The following TDRD7 variants were observed in gnomAD, a reference collection of about 807,000 sequenced individuals.
The protein encoded by TDRD7 is tudor domain-containing protein 7.
A neutral mutation model predicts 109.8 loss-of-function variants in TDRD7; 47 were observed. The observed-to-expected ratio is 0.43, with a 90% CI of 0.34 to 0.55. TDRD7 has a LOEUF of 0.55. TDRD7 is among the 20% of genes least tolerant of loss of function. The pLI, the probability that TDRD7 is intolerant of heterozygous loss-of-function variation, is 0.03. For synonymous variants in TDRD7, 424 were observed against 457.3 expected, an observed-to-expected ratio of 0.93 and a Z score of 0.93; for missense variants, 1,164 against 1,319.2, an observed-to-expected ratio of 0.88 and a Z score of 1.82.
Position 97,482,900 on chromosome 9 carries a change from C to A in TDRD7, c.2464C>A (p.Pro822Thr), listed in dbSNP as rs145839305. 173 of 1,613,970 alleles carry A rather than the reference C, an allele frequency of 1.1e-4. No individual in the cohort carries two copies. The highest frequency in any genetic ancestry group is 1.4e-4 in the Non-Finnish European group (164 of 1,180,010). The change falls in exon 15 of 17, where the codon CCT becomes ACT. Residue 822 changes from proline (P) to threonine (T), a missense_variant. Pro to Thr is a conservative substitution (Grantham distance 38, BLOSUM62 -1). This residue lies in a region of TDRD7 where 233 missense variants were observed against 218.0 expected (regional missense o/e 1.07). Coordinates refer to ENST00000355295, the MANE Select transcript of TDRD7 (RefSeq NM_014290.3). ...GATCGCACATGTTTATTTATTTACC[C>A]CTAAGAACTTCCCTGACCCTCATCG... ...RGIAHVYLFT[P>T]KNFPDPHRSI... is the part of the protein sequence containing the mutation.
At chr9:97,493,426 T>C (rs879521617) in intron 16 of TDRD7, among the ~76,000 whole-genome samples, 49 of 149,980 alleles carry the variant, frequency 3.3e-4, no homozygotes, top group Admixed American at 3.2e-3. Flanking sequence ...GGGGAGAGAG[T>C]GTACAAATAG....
chr9:97,477,982 G>GGC, intron 12 of TDRD7, among the ~76,000 whole-genome samples: 1 of 152,202 alleles, frequency 6.6e-6, no homozygotes. Flanking sequence ...TAGTAGGCTG[G>GGC]GCGCGGTGGC....
At chr9:97,449,966 A>G (rs1215314329) in intron 6 of TDRD7, among the ~76,000 whole-genome samples, 1 of 152,204 alleles carries the variant, frequency 6.6e-6, no homozygotes, top group Non-Finnish European at 1.5e-5. Context: ...ACAGAAATCC[A>G]GAGGGGTGTG....
chr9:97,423,650 A>AAG (rs1827934863), intron 1 of TDRD7, among the ~76,000 whole-genome samples: 1 of 152,166 alleles, frequency 6.6e-6, no homozygotes, highest in Admixed American at 6.5e-5. Context: ...TAACAGAAAC[A>AAG]TAATGCTATA....
chr9:97,448,862 A>G (rs1407756348), intron 6 of TDRD7, among the ~76,000 whole-genome samples: 1 of 152,232 alleles, frequency 6.6e-6, no homozygotes, highest in Non-Finnish European at 1.5e-5. Context: ...TTAACTGGAC[A>G]ATACCAATTC....
intron 6 of TDRD7, among the ~76,000 whole-genome samples, chr9:97,442,592 A>G (rs1267917858): frequency 6.6e-6 from 1 of 152,212 alleles, no homozygotes; most frequent in East Asian, 1.9e-4. Context: ...CTTACATAAG[A>G]TATATTTAAA....
rs189677736 is a variant in TDRD7, at chr9:97,457,195, A to C, written c.856-2983A>C. ...AGTGTTGGTGAGGCTGTGGATAAAT[A>C]GGAACACTTTTACACTGTTGGTGGG... On this transcript the variant is annotated intron_variant, in intron 6 of 16. Coordinates refer to ENST00000355295, the MANE Select transcript of TDRD7 (RefSeq NM_014290.3). Among the ~76,000 whole-genome samples, 541 of 152,296 alleles carry C rather than the reference A, an allele frequency of 3.6e-3. 2 individuals are homozygous for C. Among genetic ancestry groups the C allele is most frequent in the Non-Finnish European group, 4.0e-3 (273 of 68,014 alleles).
chr9:97,435,234 G>T (rs966438518), intron 4 of TDRD7, among the ~76,000 whole-genome samples: 2 of 107,588 alleles, frequency 1.9e-5, no homozygotes, highest in African/African-American at 7.8e-5. Context: ...TACTATGCAA[G>T]ATTTTACTAT....
chr9:97,460,343 T>G lies in TDRD7; in HGVS notation c.1021T>G (p.Phe341Val), dbSNP rs1828689376. 6.2e-7 allele frequency: 1 copy of G among 1,614,076 alleles called. No individual in the cohort carries two copies. Among genetic ancestry groups the G allele is most frequent in the African/African-American group, 1.3e-5 (1 of 74,948 alleles). Residue 341 changes from phenylalanine (F) to valine (V), a missense_variant, in exon 7 of 17, where the codon TTT becomes GTT. Transcript: ENST00000355295. ...KGCPTVMAGDFKEKVADLLVK... is the reference protein window; with the variant it reads ...KGCPTVMAGDVKEKVADLLVK... ...GTGTCCAACAGTTATGGCAGGAGAC[T>G]TTAAAGAAAAAGTGGCAGACCTGCT...
Position 97,431,214 on chromosome 9 carries a change from A to G in TDRD7, c.349+140A>G, listed in dbSNP as rs1828099075. 3.8e-6 allele frequency: 5 copies of G among 1,312,562 alleles called. No individual in the cohort carries two copies. The East Asian group carries it at 7.3e-5, about 19-fold the overall frequency. 81.3% of individuals were successfully genotyped at this position (1,312,562 alleles called of 1,614,324 possible). On this transcript the variant is annotated intron_variant, in intron 3 of 16. Transcript: ENST00000355295. The stretch of plus-strand genomic sequence containing the variant: ...ATGTCAGGGGAAAGATCCTGAAGCT[A>G]GCATTTCCATTTGAAATTCTTAAGT...
chr9:97,482,929 T>C lies in TDRD7; in HGVS notation c.2493T>C (p.Ser831=), dbSNP rs1242911703. 1 of 1,614,100 alleles carries C rather than the reference T, an allele frequency of 6.2e-7. No individual in the cohort carries two copies. The highest frequency in any genetic ancestry group is 8.5e-7 in the Non-Finnish European group (1 of 1,180,036). Residue 831 remains serine, a synonymous_variant, in exon 15 of 17, where the codon AGT becomes AGC. Coordinates refer to ENST00000355295, the MANE Select transcript of TDRD7 (RefSeq NM_014290.3). Reference sequence around the variant, plus strand: ...AGAACTTCCCTGACCCTCATCGCAGTATTAATCGCCAGATTACAAATGCAG... The same window carrying C: ...AGAACTTCCCTGACCCTCATCGCAGCATTAATCGCCAGATTACAAATGCAG... ...TPKNFPDPHR[S]INRQITNADL...
chr9:97,476,377 A>G (rs1426880964), intron 12 of TDRD7, among the ~76,000 whole-genome samples: 1 of 151,998 alleles, frequency 6.6e-6, no homozygotes, highest in African/African-American at 2.4e-5. Flanking sequence ...GCGTTTCTAT[A>G]TGTTTTTAAA....
At chr9:97,478,065 C>T (rs1186768493) in intron 12 of TDRD7, among the ~76,000 whole-genome samples, 1 of 152,012 alleles carries the variant, frequency 6.6e-6, no homozygotes, top group Non-Finnish European at 1.5e-5. Context: ...TGAGACCAGC[C>T]TGGCCAACAT....
intron 15 of TDRD7, among the ~76,000 whole-genome samples, chr9:97,485,982 G>A (rs1207472444): frequency 6.6e-6 from 1 of 152,226 alleles, no homozygotes; most frequent in African/African-American, 2.4e-5. Context: ...AGTGTTGAAA[G>A]CTGACCTTTT....
Position 97,412,839 on chromosome 9 carries a change from C to T in TDRD7, c.-7+601C>T, listed in dbSNP as rs978741972. ...ACCCAGCTGGGAGGGAAACATGGATCCGTGAGTAAGTTGTCTCTCAACTTT... is the reference window on the plus strand; with the variant it reads ...ACCCAGCTGGGAGGGAAACATGGATTCGTGAGTAAGTTGTCTCTCAACTTT... On this transcript the variant is annotated intron_variant, in intron 1 of 16. Transcript: ENST00000355295. The surrounding 1 kb of genome is among the most constrained non-coding windows in gnomAD (Gnocchi z 4.3). Among the ~76,000 whole-genome samples, 2 of 152,188 alleles carry T rather than the reference C, an allele frequency of 1.3e-5. No individual in the cohort carries two copies. The highest frequency in any genetic ancestry group is 4.8e-5 in the African/African-American group (2 of 41,456).
intron 6 of TDRD7, among the ~76,000 whole-genome samples, chr9:97,453,187 T>C (rs1828530669): frequency 1.3e-5 from 2 of 152,132 alleles, no homozygotes; most frequent in African/African-American, 4.8e-5. Context: ...AGAGAAAGTA[T>C]TGAGATTGGT....
In TDRD7 at chr9:97,441,660, A is replaced by G. The variant is rs941943951; in HGVS notation, c.640A>G (p.Asn214Asp). 1 of 1,600,228 alleles carries G rather than the reference A, an allele frequency of 6.2e-7. No homozygotes were observed. Among genetic ancestry groups the G allele is most frequent in the African/African-American group, 1.3e-5 (1 of 74,362 alleles). The stretch of plus-strand genomic sequence containing the variant: ...TCTATTATTTTTTTAATTTAAAGAT[A>G]ATTTAAATCAGACTGTTGAAAAACC... ...SRTSTKEMSDNLNQTVEKPNV... is the reference protein window; with the variant it reads ...SRTSTKEMSDDLNQTVEKPNV... Residue 214 changes from asparagine (N) to aspartate (D), a missense_variant and splice_region_variant, in exon 6 of 17, where the codon AAT becomes GAT. Physicochemically the swap from Asn to Asp is conservative, Grantham distance 23 (BLOSUM62 1). Around this residue, in one of 5 missense-constraint regions of TDRD7, gnomAD observed 407 missense variants for 394.0 expected, o/e 1.03. Coordinates refer to ENST00000355295, the MANE Select transcript of TDRD7 (RefSeq NM_014290.3).
intron 1 of TDRD7, among the ~76,000 whole-genome samples, 200 bp from the exon 2 acceptor site, chr9:97,428,260 G>A (rs547410277): frequency 1.3e-5 from 2 of 152,276 alleles, no homozygotes; most frequent in East Asian, 3.9e-4. Flanking sequence ...CTTCAGGCTG[G>A]TCTTGTGCCT....
intron 12 of TDRD7, 60 bp from the exon 13 acceptor site, chr9:97,478,379 C>A (rs1829059479): frequency 6.2e-7 from 1 of 1,600,352 alleles, no homozygotes; most frequent in African/African-American, 1.3e-5. Context: ...TGTAATTGCA[C>A]AGAAGCATTT....
Sources: gnomAD v4.1 joint callset for allele counts (sites outside exome capture counted in the v4.1 genomes callset) on GRCh38, gnomAD v4.1.1 for gene constraint, gnomAD v4.1.1 regional missense constraint, Gnocchi (gnomAD v3.1) non-coding constraint, MANE v1.5 for transcripts, NCBI Gene and HGNC (gene_info 2026-07-23, HGNC 2026-07-21) for gene names.